CBL: variants seen among roughly 807,000 people sequenced by gnomAD.
CBL encodes the protein E3 ubiquitin-protein ligase CBL.
CBL carries 45 observed loss-of-function variants against 96.9 expected under a neutral mutation model. The ratio of observed to expected loss-of-function variants is 0.46; its 90% confidence interval spans 0.37 to 0.60. The LOEUF is 0.60. Among genes scored for constraint, CBL ranks in the 20% least tolerant of loss-of-function variants. CBL has a pLI of 0.00. For synonymous variants in CBL, 420 were observed against 426.8 expected (o/e 0.98, Z 0.20); for missense variants, 1,024 against 1,143.5 (o/e 0.90, Z 1.51).
At chr11:119,281,239 T>C (rs557643691) in intron 9 of CBL, among the ~76,000 whole-genome samples, 1 of 152,326 alleles carries the variant, frequency 6.6e-6, no homozygotes, top group Non-Finnish European at 1.5e-5. Context: ...TGGAGTACCT[T>C]GGTTCCCATG....
intron 2 of CBL, among the ~76,000 whole-genome samples, chr11:119,243,718 A>G (rs571734907): frequency 2.0e-5 from 3 of 152,000 alleles, no homozygotes; most frequent in Non-Finnish European, 4.4e-5. Context: ...TGAATATGCA[A>G]TTGATCAAAA....
chr11:119,265,540 C>G (rs918600128), intron 2 of CBL, among the ~76,000 whole-genome samples: 3 of 152,052 alleles, frequency 2.0e-5, no homozygotes. Context: ...GTGAGGAGCC[C>G]AGGAGTTGGA....
chr11:119,213,422 G>C (rs1407064891), intron 1 of CBL, among the ~76,000 whole-genome samples: 2 of 152,256 alleles, frequency 1.3e-5, no homozygotes, highest in East Asian at 3.9e-4. Flanking sequence ...TATGTCTGAA[G>C]TGATGAGGAT....
At chr11:119,207,008 G>A (rs894559370) in intron 1 of CBL, among the ~76,000 whole-genome samples, 8 of 152,034 alleles carry the variant, frequency 5.3e-5, no homozygotes, top group Non-Finnish European at 8.8e-5. Flanking sequence ...AGGGGGTGAG[G>A]AAGAGTGATG....
intron 3 of CBL, 98 bp from the exon 4 acceptor site, chr11:119,273,770 A>G: frequency 9.7e-7 from 1 of 1,029,532 alleles, no homozygotes. Context: ...ATTGGTATTG[A>G]GAGCTTAATG....
rs114497286 is a variant in CBL, at chr11:119,217,474, A to G, written c.195+10862A>G. On this transcript the variant is annotated intron_variant, in intron 1 of 15. Coordinates refer to ENST00000264033, the MANE Select transcript of CBL (RefSeq NM_005188.4). ...TTCAGACTGTGTCAAGTAATTTCTT[A>G]TAAACCAGTACTTCTCAGATTTTAT... Among the ~76,000 whole-genome samples, 1,249 of 152,290 alleles carry G rather than the reference A, an allele frequency of 8.2e-3. 21 individuals carry two copies. The highest frequency in any genetic ancestry group is 0.028 in the African/African-American group (1,178 of 41,556).
At chr11:119,282,366 G>T (rs1949942972) in intron 9 of CBL, among the ~76,000 whole-genome samples, 1 of 151,918 alleles carries the variant, frequency 6.6e-6, no homozygotes, top group Non-Finnish European at 1.5e-5. Flanking sequence ...CTATTGCAAG[G>T]ATCCATTATG....
In CBL at chr11:119,304,721, G is replaced by A. The variant is rs372681415; in HGVS notation, c.*4940G>A. On this transcript the variant is annotated 3_prime_UTR_variant, in exon 16 of 16. Transcript: ENST00000264033. ...AACTCACCACAACCTCTGCCTCCCA[G>A]GTTCAAGCAGTTCTCTGCCTCAACC... 1 of 199,988 alleles carries A rather than the reference G, an allele frequency of 5.0e-6. No homozygotes were observed. Among genetic ancestry groups the A allele is most frequent in the African/African-American group, 2.3e-5 (1 of 43,346 alleles). 12.4% of individuals were successfully genotyped at this position (199,988 alleles called of 1,614,324 possible). A position where few individuals can be genotyped will look rare whatever the true frequency, so the allele number is the denominator to read the frequency against.
At chr11:119,290,256 G>T (rs1276014210) in intron 12 of CBL, among the ~76,000 whole-genome samples, 1 of 152,074 alleles carries the variant, frequency 6.6e-6, no homozygotes, top group Non-Finnish European at 1.5e-5. Flanking sequence ...ATGTTGCCCA[G>T]GCTGGTCTCG....
intron 2 of CBL, among the ~76,000 whole-genome samples, chr11:119,248,755 C>T (rs751061245): frequency 6.6e-5 from 10 of 152,186 alleles, no homozygotes; most frequent in Non-Finnish European, 1.3e-4. Context: ...AAGGGATCAA[C>T]ATCCAGAACA....
At chr11:119,223,565 G>A (rs768478122) in intron 1 of CBL, among the ~76,000 whole-genome samples, 51 of 151,250 alleles carry the variant, frequency 3.4e-4, no homozygotes, top group Non-Finnish European at 5.9e-4. Flanking sequence ...AAGTAGCTGG[G>A]ACTACAGGCG....
chr11:119,251,049 AGTT>A (rs1949666204), intron 2 of CBL, among the ~76,000 whole-genome samples: 1 of 152,230 alleles, frequency 6.6e-6, no homozygotes, highest in Non-Finnish European at 1.5e-5. Context: ...GGATGAAAGA[AGTT>A]GTCCCAGTCT....
intron 1 of CBL, among the ~76,000 whole-genome samples, chr11:119,222,370 C>CA (rs1256003511): frequency 6.6e-6 from 1 of 152,116 alleles, no homozygotes; most frequent in Non-Finnish European, 1.5e-5. Context: ...TAACACTTTC[C>CA]AAATTTTTTC....
intron 12 of CBL, among the ~76,000 whole-genome samples, chr11:119,293,200 G>A (rs1950041377): frequency 6.6e-6 from 1 of 151,804 alleles, no homozygotes; most frequent in Non-Finnish European, 1.5e-5. Flanking sequence ...TGTCTCCCAG[G>A]TTCAAGCGAT....
At chr11:119,211,192 T>C (rs958267415) in intron 1 of CBL, among the ~76,000 whole-genome samples, 1 of 151,878 alleles carries the variant, frequency 6.6e-6, no homozygotes, top group African/African-American at 2.4e-5. Context: ...GCCAAAAAGG[T>C]GAAACCCTGT....
chr11:119,276,079 A>G lies in CBL; in HGVS notation c.952A>G (p.Ile318Val). The G allele has an allele frequency of 6.2e-7, 1 of 1,614,080 alleles. No homozygotes were observed. The highest frequency in any genetic ancestry group is 2.2e-5 in the East Asian group (1 of 44,882). The change falls in exon 6 of 16, where the codon ATC becomes GTC. Residue 318 changes from isoleucine to valine, a missense_variant. By Grantham distance (29) the Ile-to-Val change is conservative. This residue lies in a region of CBL where 192 missense variants were observed against 321.8 expected (regional missense o/e 0.60). Coordinates refer to ENST00000264033, the MANE Select transcript of CBL (RefSeq NM_005188.4). ...TGCTGATGGGAACATTCTCCAGACAATCCCTCACAATAAACCTCTCTTCCA... is the reference window on the plus strand; with the variant it reads ...TGCTGATGGGAACATTCTCCAGACAGTCCCTCACAATAAACCTCTCTTCCA... ...VTADGNILQT[I>V]PHNKPLFQAL...
chr11:119,219,345 T>C (rs1459617826), intron 1 of CBL, among the ~76,000 whole-genome samples: 3 of 147,542 alleles, frequency 2.0e-5, no homozygotes, highest in Admixed American at 6.9e-5. Flanking sequence ...GTCATTGCAC[T>C]CCAGCCTGGG....
At chr11:119,249,691 G>T (rs533780443) in intron 2 of CBL, among the ~76,000 whole-genome samples, 9 of 149,976 alleles carry the variant, frequency 6.0e-5, no homozygotes, top group Non-Finnish European at 1.0e-4. Context: ...ATTGAGACAG[G>T]GTCTCCCTTT....
intron 1 of CBL, among the ~76,000 whole-genome samples, chr11:119,231,194 G>A (rs1949499272): frequency 6.6e-6 from 1 of 151,998 alleles, no homozygotes; most frequent in African/African-American, 2.4e-5. Flanking sequence ...CCTAAGGTCA[G>A]GCATTCGAGA....
Sources: gnomAD v4.1 joint callset for allele counts (sites outside exome capture counted in the v4.1 genomes callset) on GRCh38, gnomAD v4.1.1 for gene constraint, gnomAD v4.1.1 regional missense constraint, MANE v1.5 for transcripts, NCBI Gene and HGNC (gene_info 2026-07-23, HGNC 2026-07-21) for gene names.